The following THADA variants were observed in gnomAD, a reference collection of about 807,000 sequenced individuals.
The protein encoded by THADA is tRNA (32-2'-O)-methyltransferase regulator THADA.
THADA carries 213 observed loss-of-function variants against 219.8 expected under a neutral mutation model. That is an observed-to-expected ratio of 0.97 (90% CI 0.87 to 1.09). THADA has a LOEUF of 1.09. Ranked by LOEUF, THADA falls within the 50% of genes least tolerant of loss-of-function variation. THADA has a pLI of 0.00. For synonymous variants in THADA, 1,018 were observed against 828.9 expected, an observed-to-expected ratio of 1.23 and a Z score of -3.92; for missense variants, 2,956 against 2,311.3, an observed-to-expected ratio of 1.28 and a Z score of -5.72.
intron 29 of THADA, among the ~76,000 whole-genome samples, chr2:43,355,865 T>C (rs1668818038): frequency 6.6e-6 from 1 of 152,176 alleles, no homozygotes; most frequent in African/African-American, 2.4e-5. Flanking sequence ...AGCTGAGTGA[T>C]GGATACATGG....
intron 30 of THADA, among the ~76,000 whole-genome samples, chr2:43,338,724 G>A (rs942378084): frequency 2.0e-5 from 3 of 152,154 alleles, no homozygotes; most frequent in African/African-American, 2.4e-5. Context: ...ATATTCTGGT[G>A]TATGTATATA....
intron 26 of THADA, among the ~76,000 whole-genome samples, chr2:43,446,782 T>C (rs1681620242): frequency 6.6e-6 from 1 of 152,224 alleles, no homozygotes; most frequent in South Asian, 2.1e-4. Flanking sequence ...GAAGAGATGC[T>C]GATAACAAGG....
intron 21 of THADA, among the ~76,000 whole-genome samples, chr2:43,536,781 T>C (rs185107399): frequency 2.0e-5 from 3 of 152,264 alleles, no homozygotes; most frequent in Admixed American, 2.0e-4. Context: ...AATGTACTAC[T>C]AACGCAAAGT....
intron 36 of THADA, chr2:43,233,101 C>G (rs1667631488): frequency 1.8e-6 from 1 of 558,668 alleles, no homozygotes; most frequent in Middle Eastern, 4.8e-4. Flanking sequence ...CCCACTGTTT[C>G]CATGCCCCCT....
intron 28 of THADA, among the ~76,000 whole-genome samples, chr2:43,423,274 G>C (rs80100685): frequency 0.1 from 15,759 of 152,098 alleles, 894 homozygotes; most frequent in South Asian, 0.14. Flanking sequence ...GCCATTAACA[G>C]CATAATCATA....
chr2:43,283,316 T>G (rs1323556085), intron 35 of THADA, among the ~76,000 whole-genome samples: 1 of 152,198 alleles, frequency 6.6e-6, no homozygotes, highest in Non-Finnish European at 1.5e-5. Context: ...TACAGAAAAT[T>G]GGTACTGGAA....
intron 31 of THADA, among the ~76,000 whole-genome samples, chr2:43,312,887 G>C (rs550899675): frequency 1.3e-5 from 2 of 152,136 alleles, no homozygotes; most frequent in Non-Finnish European, 2.9e-5. Flanking sequence ...ATCCAACACT[G>C]ATAAAGTGCA....
At chr2:43,503,498 A>G (rs1189869249) in intron 24 of THADA, among the ~76,000 whole-genome samples, 1 of 152,218 alleles carries the variant, frequency 6.6e-6, no homozygotes, top group African/African-American at 2.4e-5. Flanking sequence ...CTTGGGAATG[A>G]TAGTCACTAA....
intron 36 of THADA, among the ~76,000 whole-genome samples, chr2:43,278,658 G>A (rs1419015994): frequency 6.6e-6 from 1 of 152,164 alleles, no homozygotes; most frequent in East Asian, 1.9e-4. Flanking sequence ...GTATCACTGA[G>A]AGATTATTCC....
At chr2:43,343,928 C>A in intron 30 of THADA, 194 bp downstream of exon 30, 1 of 484,270 alleles carries the variant, frequency 2.1e-6, no homozygotes, top group Non-Finnish European at 3.8e-6. Flanking sequence ...AGTCACTTAG[C>A]AGTTTTAGAA....
At position 43,293,113 on chromosome 2, in the gene THADA, G is replaced by T. The variant is rs774165221; in HGVS notation, c.4539C>A (p.Pro1513=). 8 of 1,613,874 alleles carry T rather than the reference G, an allele frequency of 5.0e-6. No individual in the cohort carries two copies. The highest frequency in any genetic ancestry group is 6.8e-6 in the Non-Finnish European group (8 of 1,179,914). ...FPWAFKVPGL[P]QYLQSLTRLA... Reference sequence around the variant, plus strand: ...GTCTGGTGAGGCTCTGGAGGTACTGGGGCAGGCCTGGCACCTTGAAGGCCC... The same window carrying T: ...GTCTGGTGAGGCTCTGGAGGTACTGTGGCAGGCCTGGCACCTTGAAGGCCC... Residue 1513 remains proline (P), a synonymous_variant, in exon 32 of 38, where the codon CCC becomes CCA. Transcript: ENST00000405975.
intron 25 of THADA, among the ~76,000 whole-genome samples, chr2:43,494,923 T>C (rs1294020245): frequency 3.3e-5 from 5 of 152,174 alleles, no homozygotes; most frequent in Admixed American, 1.3e-4. Context: ...TTCTGAAAAA[T>C]GTTTCTTTAC....
intron 30 of THADA, among the ~76,000 whole-genome samples, chr2:43,322,908 G>A (rs1335153829): frequency 6.6e-6 from 1 of 151,684 alleles, no homozygotes; most frequent in Non-Finnish European, 1.5e-5. Context: ...GGATGGTTTC[G>A]ATCTCCTGAC....
chr2:43,310,915 G>A (rs1573014747), intron 31 of THADA, among the ~76,000 whole-genome samples: 3 of 152,312 alleles, frequency 2.0e-5, no homozygotes, highest in Middle Eastern at 3.4e-3. Flanking sequence ...GGTGGCTCAC[G>A]CCTGTAATCC....
intron 22 of THADA, among the ~76,000 whole-genome samples, chr2:43,511,897 C>T (rs780375242): frequency 2.6e-4 from 40 of 152,072 alleles, no homozygotes; most frequent in Non-Finnish European, 4.6e-4. Context: ...GTGGAAGGTC[C>T]ATATATGAGA....
intron 30 of THADA, 49 bp downstream of exon 30, chr2:43,344,073 G>A (rs1283621169): frequency 7.4e-7 from 1 of 1,346,132 alleles, no homozygotes; most frequent in Non-Finnish European, 1.0e-6. Flanking sequence ...ATTCTCAAAT[G>A]TATTCCTAAC....
chr2:43,266,943 C>T (rs561638040), intron 36 of THADA, among the ~76,000 whole-genome samples: 1 of 152,320 alleles, frequency 6.6e-6, no homozygotes, highest in African/African-American at 2.4e-5. Flanking sequence ...TCCCTCCCTC[C>T]CGCCATTGCT....
chr2:43,480,734 C>T (rs1011277352), intron 26 of THADA, among the ~76,000 whole-genome samples: 4 of 150,822 alleles, frequency 2.7e-5, no homozygotes, highest in East Asian at 1.9e-4. Context: ...AGGAGAATTG[C>T]GTGAACCCGG....
chr2:43,591,464 C>A (rs1204210630), intron 3 of THADA, among the ~76,000 whole-genome samples: 2 of 152,100 alleles, frequency 1.3e-5, no homozygotes, highest in African/African-American at 2.4e-5. Flanking sequence ...ACCCTCCAGA[C>A]CCACCTCCAC....
Sources: allele counts gnomAD v4.1 joint callset (sites outside exome capture counted in the v4.1 genomes callset), GRCh38; gene constraint gnomAD v4.1.1; transcripts MANE v1.5; gene names NCBI Gene and HGNC (gene_info 2026-07-23, HGNC 2026-07-21).